GCFC2: variants seen among roughly 807,000 people sequenced by gnomAD.
The protein encoded by GCFC2 is GC-rich sequence DNA-binding factor 2, also known as intron Large complex component GCFC2.
GCFC2 carries 102 observed loss-of-function variants against 99.4 expected under a neutral mutation model. The ratio of observed to expected loss-of-function variants is 1.03; its 90% CI spans 0.87 to 1.21. The LOEUF (loss-of-function observed/expected upper bound fraction) is 1.21, where lower values mean the gene tolerates loss of function less well. Ranked by LOEUF, GCFC2 falls within the 50% of genes most tolerant of loss-of-function variation. GCFC2 has a pLI of 0.00. For synonymous variants in GCFC2, 338 were observed against 316.8 expected, an observed-to-expected ratio of 1.07 and a Z score of -0.71; for missense variants, 973 against 920.9, an observed-to-expected ratio of 1.06 and a Z score of -0.73.
intron 2 of GCFC2, among the ~76,000 whole-genome samples, chr2:75,705,676 T>C (rs1315552858): frequency 1.3e-5 from 2 of 149,724 alleles, no homozygotes; most frequent in Non-Finnish European, 3.0e-5. Flanking sequence ...ACAAGCGTCA[T>C]AAAATATATT....
At chr2:75,668,536 GTA>G (rs1476416623) in intron 15 of GCFC2, among the ~76,000 whole-genome samples, 6 of 152,026 alleles carry the variant, frequency 3.9e-5, no homozygotes, top group Non-Finnish European at 8.8e-5. Context: ...AGTTTAGTGT[GTA>G]TGTGTTTTTA....
chr2:75,702,989 G>A (rs1019722451), intron 2 of GCFC2, among the ~76,000 whole-genome samples: 11 of 152,246 alleles, frequency 7.2e-5, no homozygotes, highest in Non-Finnish European at 8.8e-5. Context: ...TGAGCCCCAC[G>A]TGAATAAACA....
chr2:75,686,937 A>ATTT (rs58869655), intron 11 of GCFC2, among the ~76,000 whole-genome samples: 2 of 147,796 alleles, frequency 1.4e-5, no homozygotes, highest in Non-Finnish European at 3.0e-5. Flanking sequence ...AAATGAAGCA[A>ATTT]TTTTTTTTTT....
intron 4 of GCFC2, 109 bp from the exon 5 acceptor site, chr2:75,696,424 A>C (rs996031509): frequency 1.3e-5 from 6 of 478,536 alleles, no homozygotes; most frequent in Non-Finnish European, 2.3e-5. Context: ...AAGCTAAAAA[A>C]TTCCATGTCT....
intron 2 of GCFC2, among the ~76,000 whole-genome samples, chr2:75,705,496 A>AGT (rs1297173821): frequency 6.6e-6 from 1 of 150,966 alleles, no homozygotes; most frequent in Non-Finnish European, 1.5e-5. Context: ...GGTGGCCTAT[A>AGT]GTCCTAGCTA....
chr2:75,704,122 G>A (rs1159298864), intron 2 of GCFC2, among the ~76,000 whole-genome samples: 2 of 152,080 alleles, frequency 1.3e-5, no homozygotes, highest in Admixed American at 1.3e-4. Context: ...AGACATAGGA[G>A]GAATCAATAA....
chr2:75,708,900 A>C (rs1266461057), intron 1 of GCFC2, among the ~76,000 whole-genome samples: 1 of 152,180 alleles, frequency 6.6e-6, no homozygotes, highest in Non-Finnish European at 1.5e-5. Flanking sequence ...AATGCTATTA[A>C]GTACTCGTCT....
rs1678824290 is a variant in GCFC2 at position 75,666,053 on chromosome 2, C to G, written c.2104G>C (p.Val702Leu). The G allele has an allele frequency of 6.2e-7, 1 of 1,600,544 alleles. No individual in the cohort carries two copies. ...CATTTTTCTGGTAGACATGCTGCTA[C>G]CTGTTAATCAAAACACATGGCTGGT... Reference protein sequence around the residue: ...GPDVVKKCNQVAACLPEKWFE... With the variant: ...GPDVVKKCNQLAACLPEKWFE... Residue 702 changes from valine (V) to leucine (L), a missense_variant and splice_region_variant, in exon 16 of 17, where the codon GTA becomes CTA. Coordinates refer to ENST00000321027, the MANE Select transcript of GCFC2 (RefSeq NM_003203.5).
chr2:75,695,269 G>GT (rs527841873), intron 5 of GCFC2, among the ~76,000 whole-genome samples: 6 of 152,092 alleles, frequency 3.9e-5, no homozygotes, highest in Non-Finnish European at 8.8e-5. Flanking sequence ...GAGTTGAGCA[G>GT]TTACAACAGC....
rs115192541 is a variant in GCFC2 at position 75,687,743 on chromosome 2, A to C, written c.1690+84T>G. ...CCTTGAGATTAAAAACTTATGAAAA[A>C]ACTTTGTGAATATAACAGAAATTAA... On this transcript the variant is annotated intron_variant, in intron 11 of 16. Transcript: ENST00000321027. 2,850 of 1,053,972 alleles carry C rather than the reference A, an allele frequency of 2.7e-3. 60 individuals carry two copies. The African/African-American group carries it at 0.042, about 15-fold the overall frequency. The allele number at this position is 1,053,972 out of a possible 1,614,324, so 65.3% of individuals were successfully genotyped here. A position where few individuals can be genotyped will look rare whatever the true frequency, so the allele number is the denominator to read the frequency against.
intron 1 of GCFC2, among the ~76,000 whole-genome samples, chr2:75,708,908 T>C (rs1680989685): frequency 6.6e-6 from 1 of 152,182 alleles, no homozygotes; most frequent in Non-Finnish European, 1.5e-5. Flanking sequence ...TAAGTACTCG[T>C]CTTAATCATG....
At chr2:75,704,236 G>A (rs1680734851) in intron 2 of GCFC2, among the ~76,000 whole-genome samples, 1 of 151,974 alleles carries the variant, frequency 6.6e-6, no homozygotes, top group African/African-American at 2.4e-5. Context: ...AATCATCTAG[G>A]GCTGAGAGGT....
chr2:75,706,757 C>A, intron 1 of GCFC2, 106 bp from the exon 2 acceptor site: 1 of 643,598 alleles, frequency 1.6e-6, no homozygotes, highest in South Asian at 2.8e-5. Flanking sequence ...TGTTTTAATC[C>A]TAGTCCATAT....
In GCFC2 at chr2:75,696,199, C is replaced by G. The variant is rs1189164067; in HGVS notation, c.833+1G>C. On this transcript the variant is annotated splice_donor_variant, in intron 5 of 16. Coordinates refer to ENST00000321027, the MANE Select transcript of GCFC2 (RefSeq NM_003203.5). LOFTEE classifies it high-confidence loss of function. ...TAAATTTCAAAATGAGTATTGCTCA[C>G]CTAGTATTTAATTGCTTCTTTATAA... is the stretch of plus-strand genomic sequence containing the variant. 1 of 963,174 alleles carries G rather than the reference C, an allele frequency of 1.0e-6. No individual in the cohort carries two copies. The highest frequency in any genetic ancestry group is 1.7e-6 in the Non-Finnish European group (1 of 590,088). The allele number at this position is 963,174 out of a possible 1,614,324, so 59.7% of individuals were successfully genotyped here.
intron 6 of GCFC2, among the ~76,000 whole-genome samples, chr2:75,692,651 GAA>G (rs573866110): frequency 9.1e-6 from 1 of 110,450 alleles, no homozygotes. Context: ...TGTCTCAAAA[GAA>G]AAAAAAAAAA....
At chr2:75,674,149 C>T (rs991644358) in intron 12 of GCFC2, among the ~76,000 whole-genome samples, 5 of 152,118 alleles carry the variant, frequency 3.3e-5, no homozygotes, top group African/African-American at 9.7e-5. Context: ...CTTGGCAAGC[C>T]GTTTTGCAAA....
chr2:75,693,332 T>G (rs1004793598), intron 6 of GCFC2, among the ~76,000 whole-genome samples: 4 of 151,996 alleles, frequency 2.6e-5, no homozygotes, highest in Admixed American at 2.0e-4. Flanking sequence ...CCCAGCTACT[T>G]GGGAGGCTGA....
At chr2:75,704,739 C>G in intron 2 of GCFC2, among the ~76,000 whole-genome samples, 1 of 152,218 alleles carries the variant, frequency 6.6e-6, no homozygotes, top group East Asian at 1.9e-4. Flanking sequence ...GGCTGGAGTG[C>G]ACTGGCATGA....
At chr2:75,694,203 C>T in intron 6 of GCFC2, 38 bp downstream of exon 6, 1 of 549,844 alleles carries the variant, frequency 1.8e-6, no homozygotes, top group Non-Finnish European at 3.2e-6. Context: ...GGGTTTTCTC[C>T]AAAAAAGGAA....
Sources: gnomAD v4.1 joint callset for allele counts (sites outside exome capture counted in the v4.1 genomes callset) on GRCh38, gnomAD v4.1.1 for gene constraint, MANE v1.5 for transcripts, NCBI Gene and HGNC (gene_info 2026-07-23, HGNC 2026-07-21) for gene names.